The following ABLIM2 variants were observed in gnomAD, a reference collection of about 807,000 sequenced individuals.
ABLIM2 encodes the protein actin-binding LIM protein 2.
ABLIM2 carries 53 observed loss-of-function variants against 97.7 expected under a neutral mutation model. The observed-to-expected ratio is 0.54, with a 90% CI of 0.44 to 0.68. The LOEUF (loss-of-function observed/expected upper bound fraction) is 0.68. ABLIM2 is among the 30% of genes least tolerant of loss of function. The probability of loss-of-function intolerance (pLI) is 0.00; values close to 1 mark genes in which losing one functional copy is unlikely to be tolerated. For synonymous variants in ABLIM2, 361 were observed against 345.8 expected (o/e 1.04, Z -0.49); for missense variants, 835 against 867.2 (o/e 0.96, Z 0.47).
chr4:8,118,397 G>A (rs1418706554), intron 1 of ABLIM2, among the ~76,000 whole-genome samples: 5 of 152,152 alleles, frequency 3.3e-5, no homozygotes, highest in African/African-American at 1.2e-4. Flanking sequence ...AAAACTTGGG[G>A]TAGGTCCCTT....
At chr4:7,967,938 G>A (rs927087618) in intron 20 of ABLIM2, among the ~76,000 whole-genome samples, 4 of 152,200 alleles carry the variant, frequency 2.6e-5, no homozygotes, top group African/African-American at 9.6e-5. Context: ...GGAGCTCCTT[G>A]CCAAGCAGCC....
intron 13 of ABLIM2, 99 bp downstream of exon 13, chr4:8,020,103 C>T (rs375184743): frequency 5.5e-5 from 60 of 1,099,802 alleles, no homozygotes; most frequent in Non-Finnish European, 7.6e-5. Context: ...TGTCGTCTGG[C>T]GCCTGCTGAG....
chr4:8,143,161 G>T (rs1363041002), intron 1 of ABLIM2, among the ~76,000 whole-genome samples: 1 of 139,804 alleles, frequency 7.2e-6, no homozygotes, highest in Non-Finnish European at 1.5e-5. Flanking sequence ...GGCGAGAGTG[G>T]GGGGGGGGGG....
chr4:8,042,729 C>G (rs976241270), intron 9 of ABLIM2, among the ~76,000 whole-genome samples: 1 of 150,722 alleles, frequency 6.6e-6, no homozygotes, highest in Non-Finnish European at 1.5e-5. Context: ...ATCCTAGCTA[C>G]TTGAGAGGCT....
intron 1 of ABLIM2, among the ~76,000 whole-genome samples, chr4:8,151,319 G>C (rs1712661697): frequency 6.6e-6 from 1 of 152,156 alleles, no homozygotes; most frequent in Non-Finnish European, 1.5e-5. Flanking sequence ...CTGATGGCGA[G>C]AAGCCCCAGA....
At chr4:8,010,590 G>A (rs28540402) in intron 14 of ABLIM2, 319,322 of 979,922 alleles carry the variant, frequency 0.33, 53,077 homozygotes, top group East Asian at 0.53. Context: ...GAGCAGTTCC[G>A]TTCCGAATAC....
At chr4:8,028,594 T>C (rs1356979547) in intron 11 of ABLIM2, among the ~76,000 whole-genome samples, 10 of 151,988 alleles carry the variant, frequency 6.6e-5, no homozygotes, top group South Asian at 2.1e-4. Flanking sequence ...CAATCACTCA[T>C]TCACTCACTC....
chr4:8,012,751 C>T (rs1251721225), intron 14 of ABLIM2, among the ~76,000 whole-genome samples: 1 of 151,728 alleles, frequency 6.6e-6, no homozygotes, highest in Non-Finnish European at 1.5e-5. Flanking sequence ...TCTATCCATC[C>T]ATCCATCCAT....
chr4:8,017,143 G>C lies in ABLIM2; in HGVS notation c.1423+2475C>G, dbSNP rs113995824. On this transcript the variant is annotated intron_variant, in intron 14 of 20. Coordinates refer to ENST00000447017, the MANE Select transcript of ABLIM2 (RefSeq NM_001130083.2). Reference sequence around the variant, plus strand: ...TTCCTCAACGTTCAGCCCTTGAGTAGATGACATGCTGGTGGGTGCGAGGCC... The same window carrying C: ...TTCCTCAACGTTCAGCCCTTGAGTACATGACATGCTGGTGGGTGCGAGGCC... Among the ~76,000 whole-genome samples, 1,053 of 152,274 alleles carry C rather than the reference G, an allele frequency of 6.9e-3. 6 individuals are homozygous for C. The highest frequency in any genetic ancestry group is 0.024 in the African/African-American group (984 of 41,548).
chr4:8,141,153 T>G (rs1850920457), intron 1 of ABLIM2, among the ~76,000 whole-genome samples: 1 of 152,130 alleles, frequency 6.6e-6, no homozygotes, highest in Non-Finnish European at 1.5e-5. Flanking sequence ...ATCATAGCCT[T>G]GTCTCTTCCC....
chr4:8,091,544 A>AT (rs2152557515), intron 3 of ABLIM2, among the ~76,000 whole-genome samples: 1 of 26,744 alleles, frequency 3.7e-5, no homozygotes. Context: ...AATTATATAT[A>AT]ATATTTATAA....
intron 8 of ABLIM2, among the ~76,000 whole-genome samples, chr4:8,051,683 T>C (rs75739633): frequency 0.052 from 7,908 of 152,198 alleles, 551 homozygotes; most frequent in African/African-American, 0.16. Flanking sequence ...CCGTTTGATA[T>C]GCAAATGCAG....
chr4:8,156,482 C>T (rs1164845490), intron 1 of ABLIM2, among the ~76,000 whole-genome samples: 1 of 141,594 alleles, frequency 7.1e-6, no homozygotes, highest in African/African-American at 2.6e-5. Context: ...CAACAGGCAA[C>T]AAAAGTAAGG....
chr4:8,093,803 G>A (rs1005484029), intron 3 of ABLIM2, among the ~76,000 whole-genome samples: 1 of 152,132 alleles, frequency 6.6e-6, no homozygotes, highest in Non-Finnish European at 1.5e-5. Flanking sequence ...CTGGTTTTCA[G>A]CAATTTGATT....
chr4:8,006,317 G>C (rs978495517), intron 16 of ABLIM2, among the ~76,000 whole-genome samples: 1 of 152,224 alleles, frequency 6.6e-6, no homozygotes, highest in African/African-American at 2.4e-5. Flanking sequence ...GGCCACAAAC[G>C]TCAGTAGAAA....
chr4:8,140,232 T>C lies in ABLIM2; in HGVS notation c.10+18448A>G, dbSNP rs1850762627. Reference sequence around the variant, plus strand: ...ACCTGTGTAACAAACCTGCATGTCCTGCACATGTATCCCAGAACTTAAAGT... The same window carrying C: ...ACCTGTGTAACAAACCTGCATGTCCCGCACATGTATCCCAGAACTTAAAGT... On this transcript the variant is annotated intron_variant, in intron 1 of 20. Coordinates refer to ENST00000447017, the MANE Select transcript of ABLIM2 (RefSeq NM_001130083.2). This position sits in a 1 kb window ranked among gnomAD's most constrained non-coding sequence, Gnocchi z 5.9. Among the ~76,000 whole-genome samples, 1 of 152,084 alleles carries C rather than the reference T, an allele frequency of 6.6e-6. No individual in the cohort carries two copies. Among genetic ancestry groups the C allele is most frequent in the South Asian group, 2.1e-4 (1 of 4,814 alleles).
Position 8,071,446 on chromosome 4 carries a change from T to A in ABLIM2, c.675+6182A>T, listed in dbSNP as rs1036199839. On this transcript the variant is annotated intron_variant, in intron 6 of 20. Coordinates refer to ENST00000447017, the MANE Select transcript of ABLIM2 (RefSeq NM_001130083.2). This position sits in a 1 kb window ranked among gnomAD's most constrained non-coding sequence, Gnocchi z 6.2. Reference sequence around the variant, plus strand: ...GAGACGGGGAAGGAAAACCCCACTGTCACCACCAAATGCACATTTCGCGGG... The same window carrying A: ...GAGACGGGGAAGGAAAACCCCACTGACACCACCAAATGCACATTTCGCGGG... 6.6e-6 allele frequency among the ~76,000 whole-genome samples: 1 copy of A among 152,000 alleles called. No homozygotes were observed. Among genetic ancestry groups the A allele is most frequent in the Non-Finnish European group, 1.5e-5 (1 of 68,020 alleles).
intron 16 of ABLIM2, among the ~76,000 whole-genome samples, chr4:7,993,264 G>T (rs908357046): frequency 2.0e-5 from 3 of 152,248 alleles, no homozygotes; most frequent in African/African-American, 7.2e-5. Context: ...GGGGAGCTGA[G>T]CAGAGTCAGG....
At chr4:7,973,626 G>A (rs1730123182) in intron 20 of ABLIM2, among the ~76,000 whole-genome samples, 1 of 152,206 alleles carries the variant, frequency 6.6e-6, no homozygotes, top group Admixed American at 6.5e-5. Context: ...TAGCCTAAGA[G>A]CAATGGCATT....
Sources: gnomAD v4.1 joint callset for allele counts (sites outside exome capture counted in the v4.1 genomes callset) on GRCh38, gnomAD v4.1.1 for gene constraint, Gnocchi (gnomAD v3.1) non-coding constraint, MANE v1.5 for transcripts, NCBI Gene and HGNC (gene_info 2026-07-23, HGNC 2026-07-21) for gene names.